MAMDC2: variants seen among roughly 807,000 people sequenced by gnomAD.
The protein encoded by MAMDC2 is MAM domain-containing protein 2.
A neutral mutation model predicts 89.8 loss-of-function variants in MAMDC2; 57 were observed. The observed-to-expected ratio is 0.63, with a 90% confidence interval of 0.51 to 0.79. The LOEUF (loss-of-function observed/expected upper bound fraction) is 0.79, where lower values mean the gene tolerates loss of function less well. Ranked by LOEUF, MAMDC2 falls within the 30% of genes least tolerant of loss-of-function variation. MAMDC2 has a pLI of 0.00. For missense variants in MAMDC2, 800 were observed against 820.6 expected (o/e 0.97, Z 0.31); for synonymous variants, 313 against 293.4 (o/e 1.07, Z -0.68).
chr9:70,154,087 C>T (rs2031668743), intron 9 of MAMDC2: 1 of 152,246 alleles, frequency 6.6e-6, no homozygotes. Flanking sequence ...TCTTGTATAG[C>T]ACCTATCACC....
intron 11 of MAMDC2, among the ~76,000 whole-genome samples, chr9:70,211,793 C>T (rs902379688): frequency 1.3e-5 from 2 of 152,220 alleles, no homozygotes; most frequent in Non-Finnish European, 2.9e-5. Context: ...TGGTAACGTA[C>T]AGATGGGGTT....
chr9:70,105,967 C>T (rs1828330958), intron 2 of MAMDC2: 1 of 152,170 alleles, frequency 6.6e-6, no homozygotes, highest in Non-Finnish European at 1.5e-5. Context: ...TGAGAGGTGG[C>T]TGGAGAATGA....
intron 2 of MAMDC2, among the ~76,000 whole-genome samples, chr9:70,080,766 T>C (rs1047222052): frequency 6.6e-6 from 1 of 152,206 alleles, no homozygotes; most frequent in African/African-American, 2.4e-5. Context: ...ATGGAAAATA[T>C]TGCAGAGTTT....
chr9:70,073,135 A>T (rs1827447402), intron 2 of MAMDC2, among the ~76,000 whole-genome samples: 1 of 152,238 alleles, frequency 6.6e-6, no homozygotes, highest in South Asian at 2.1e-4. Context: ...AATCCAGCCT[A>T]TTATTTCTAT....
At chr9:70,109,873 A>C in intron 4 of MAMDC2, 69 bp downstream of exon 4, 2 of 1,289,300 alleles carry the variant, frequency 1.6e-6, no homozygotes, top group Non-Finnish European at 2.3e-6. Flanking sequence ...TGCCAGAGGG[A>C]ACTGAATCAA....
At position 70,136,156 on chromosome 9, in the gene MAMDC2, CAA is replaced by C. The variant is rs573182123; in HGVS notation, c.995-3985_995-3984del. Among the ~76,000 whole-genome samples, 20 of 152,220 alleles carry C rather than the reference CAA, an allele frequency of 1.3e-4. No homozygotes were observed. The East Asian group carries it at 3.7e-3, about 28-fold the overall frequency. On this transcript the variant is annotated intron_variant, in intron 7 of 13. Transcript: ENST00000377182. ...ACAAAGTGGGACCCTTTCTCAAAAA[CAA>C]AAAGCAAACAAAAAACTCTCTATGT...
chr9:70,114,412 G>A (rs1426911546), intron 5 of MAMDC2, among the ~76,000 whole-genome samples: 10 of 151,604 alleles, frequency 6.6e-5, no homozygotes, highest in Admixed American at 6.6e-4. Flanking sequence ...TTTTGTGTGT[G>A]TGAAATTTCC....
At chr9:70,149,207 CAAAAAAAAA>C (rs3071388) in intron 9 of MAMDC2, among the ~76,000 whole-genome samples, 1 of 109,724 alleles carries the variant, frequency 9.1e-6, no homozygotes, top group Non-Finnish European at 1.8e-5. Context: ...GACCCCATCT[CAAAAAAAAA>C]AAAAAAAAAG....
chr9:70,213,498 T>G (rs747351146), intron 11 of MAMDC2, among the ~76,000 whole-genome samples: 4 of 152,184 alleles, frequency 2.6e-5, no homozygotes, highest in Non-Finnish European at 2.9e-5. Flanking sequence ...TAGGATAGCA[T>G]TGGATTCCTT....
chr9:70,125,225 A>G (rs2030474478), intron 5 of MAMDC2, among the ~76,000 whole-genome samples: 1 of 152,222 alleles, frequency 6.6e-6, no homozygotes, highest in Non-Finnish European at 1.5e-5. Context: ...AGAATTGTGA[A>G]TGGCGTTGTA....
chr9:70,217,231 A>T (rs535432479), intron 11 of MAMDC2: 1 of 843,940 alleles, frequency 1.2e-6, no homozygotes, highest in African/African-American at 1.7e-5. Flanking sequence ...TGGGTACAAG[A>T]TCTACCCGGG....
intron 8 of MAMDC2, among the ~76,000 whole-genome samples, chr9:70,142,207 G>C (rs1478683719): frequency 6.6e-6 from 1 of 152,170 alleles, no homozygotes; most frequent in Non-Finnish European, 1.5e-5. Context: ...CATTAGCTGG[G>C]AGAGTGGGAG....
chr9:70,225,841 T>C lies in MAMDC2; in HGVS notation c.1996+7T>C, dbSNP rs182198844. 5.5e-3 allele frequency: 8,760 copies of C among 1,594,570 alleles called. 50 individuals are homozygous for C. The highest frequency in any genetic ancestry group is 5.9e-3 in the Non-Finnish European group (6,865 of 1,163,604). On this transcript the variant is annotated splice_region_variant and intron_variant, in intron 13 of 13. Transcript: ENST00000377182. ...CAGGCAGGACCCTGTGGAGGTAATATTTTTTCCCAATCATATAAGCTTGAC... is the reference window on the plus strand; with the variant it reads ...CAGGCAGGACCCTGTGGAGGTAATACTTTTTCCCAATCATATAAGCTTGAC...
intron 2 of MAMDC2, among the ~76,000 whole-genome samples, chr9:70,083,054 T>C (rs1330786502): frequency 6.6e-6 from 1 of 152,152 alleles, no homozygotes; most frequent in Non-Finnish European, 1.5e-5. Context: ...GCGCCTAGCA[T>C]CTCCTGCTAA....
chr9:70,168,697 T>G lies in MAMDC2; in HGVS notation c.1405-5T>G. The G allele has an allele frequency of 6.2e-7, 1 of 1,611,904 alleles. No individual in the cohort carries two copies. Among genetic ancestry groups the G allele is most frequent in the East Asian group, 2.2e-5 (1 of 44,852 alleles). On this transcript the variant is annotated splice_polypyrimidine_tract_variant and splice_region_variant and intron_variant, in intron 9 of 13. Coordinates refer to ENST00000377182, the MANE Select transcript of MAMDC2 (RefSeq NM_153267.5). Reference sequence around the variant, plus strand: ...AATTCATAGCTTTATTTTTATGAATTTCAGGTGGTTTTCATGAGCCTATGC... The same window carrying G: ...AATTCATAGCTTTATTTTTATGAATGTCAGGTGGTTTTCATGAGCCTATGC...
chr9:70,137,683 C>T (rs541415393), intron 7 of MAMDC2, among the ~76,000 whole-genome samples: 1 of 152,176 alleles, frequency 6.6e-6, no homozygotes, highest in African/African-American at 2.4e-5. Flanking sequence ...CTCCTAGAGC[C>T]CAAATGTTTC....
At chr9:70,110,883 A>G (rs1409447293) in intron 4 of MAMDC2, among the ~76,000 whole-genome samples, 1 of 152,250 alleles carries the variant, frequency 6.6e-6, no homozygotes, top group South Asian at 2.1e-4. Flanking sequence ...GAGATTTTTC[A>G]GCACTGACAA....
chr9:70,168,761 C>T lies in MAMDC2; in HGVS notation c.1464C>T (p.Asp488=), dbSNP rs1359238695. 5 of 1,613,910 alleles carry T rather than the reference C, an allele frequency of 3.1e-6. No homozygotes were observed. The highest frequency in any genetic ancestry group is 4.2e-6 in the Non-Finnish European group (5 of 1,179,936). Residue 488 remains aspartate (D), a synonymous_variant, in exon 10 of 14, where the codon GAC becomes GAT. Transcript: ENST00000377182. The part of the protein sequence containing the change: ...FWDCGLVALD[D]ITIQLGSCSS... ...ACTGTGGGCTTGTAGCCCTGGATGA[C>T]ATTACAATACAATTGGGAAGCTGCT...
intron 9 of MAMDC2, among the ~76,000 whole-genome samples, chr9:70,158,399 C>A (rs1319321643): frequency 1.3e-5 from 2 of 151,756 alleles, no homozygotes; most frequent in Non-Finnish European, 2.9e-5. Flanking sequence ...AAACATAAAT[C>A]TTTCACTTTA....
Sources: allele counts gnomAD v4.1 joint callset (sites outside exome capture counted in the v4.1 genomes callset), GRCh38; gene constraint gnomAD v4.1.1; transcripts MANE v1.5; gene names NCBI Gene and HGNC (gene_info 2026-07-23, HGNC 2026-07-21).